PCYT1B: variants seen among roughly 807,000 people sequenced by gnomAD.
The protein encoded by PCYT1B is phosphate cytidylyltransferase 1B, choline, also known as choline-phosphate cytidylyltransferase B.
In PCYT1B, 10 loss-of-function variants were observed where a neutral mutation model predicts 26.4. That is an observed-to-expected ratio of 0.38 (90% CI 0.23 to 0.64). The LOEUF is 0.64. PCYT1B is among the 30% of genes least tolerant of loss of function. PCYT1B has a pLI of 0.56. For synonymous variants in PCYT1B, 131 were observed against 108.4 expected (o/e 1.21, Z -1.29); for missense variants, 161 against 292.7 (o/e 0.55, Z 3.28).
intron 2 of PCYT1B, among the ~76,000 whole-genome samples, chrX:24,613,217 A>G (rs191512013): frequency 8.9e-6 from 1 of 112,299 alleles, no homozygotes; most frequent in Non-Finnish European, 1.9e-5. Flanking sequence ...CAAAACAGAA[A>G]CTATTATTAA....
intron 1 of PCYT1B, among the ~76,000 whole-genome samples, chrX:24,627,346 G>A (rs908702917): frequency 1.8e-5 from 2 of 111,487 alleles, no homozygotes; most frequent in African/African-American, 3.3e-5. Context: ...GTTTTGTTTC[G>A]TTTTTGAGAG....
chrX:24,666,096 G>C (rs1038381208), intron 1 of PCYT1B, among the ~76,000 whole-genome samples: 4 of 111,301 alleles, frequency 3.6e-5, no homozygotes, highest in African/African-American at 1.3e-4. Flanking sequence ...CTAGGGTCAA[G>C]TTGGAGTTGG....
At position 24,637,494 on chromosome X, in the gene PCYT1B, ATAT is replaced by A. The variant is rs1926322975; in HGVS notation, c.117+9492_117+9494del. On this transcript the variant is annotated intron_variant, in intron 1 of 7. Transcript: ENST00000379144. The stretch of plus-strand genomic sequence containing the variant: ...CCATCTCTACTAAAAAAAAAAAAAT[ATAT>A]ATATATATATATATAAATTAGCTGA... 6.1e-5 allele frequency among the ~76,000 whole-genome samples: 4 copies of A among 65,531 alleles called. 1 individual carries two copies. Among genetic ancestry groups the A allele is most frequent in the Middle Eastern group, 6.1e-3 (1 of 164 alleles). 56.9% of individuals were successfully genotyped at this position (65,531 alleles called of 115,157 possible). A position where few individuals can be genotyped will look rare whatever the true frequency, so the allele number is the denominator to read the frequency against.
intron 7 of PCYT1B, among the ~76,000 whole-genome samples, chrX:24,568,491 G>T: frequency 9.0e-6 from 1 of 111,584 alleles, no homozygotes; most frequent in Non-Finnish European, 1.9e-5. Flanking sequence ...GTTCAAGGTT[G>T]CAGTGACCCA....
chrX:24,562,464 G>A lies in PCYT1B; in HGVS notation c.939C>T (p.Ala313=), dbSNP rs1325971126. 1.7e-6 allele frequency: 2 copies of A among 1,205,170 alleles called. No individual in the cohort carries two copies. Among genetic ancestry groups the A allele is most frequent in the Non-Finnish European group, 2.2e-6 (2 of 892,669 alleles). Reference sequence around the variant, plus strand: ...TCACAGGGCTCTGCTTCGGGGATAAGGCCTGCAGCATCCGGCTGCTCCTCT... The same window carrying A: ...TCACAGGGCTCTGCTTCGGGGATAAAGCCTGCAGCATCCGGCTGCTCCTCT... ...FQERSSRMLQ[A]LSPKQSPVSS... Residue 313 remains alanine, a synonymous_variant, in exon 8 of 8, where the codon GCC becomes GCT. Transcript: ENST00000379144.
At chrX:24,620,725 T>C (rs1032941250) in intron 1 of PCYT1B, among the ~76,000 whole-genome samples, 2 of 112,173 alleles carry the variant, frequency 1.8e-5, no homozygotes, top group Non-Finnish European at 3.8e-5. Flanking sequence ...GCTCAAAGGA[T>C]GGAGGATTTC....
upstream of PCYT1B, among the ~76,000 whole-genome samples, chrX:24,651,475 ATATATATATATATATATATATATAT>A (rs1926777674): frequency 6.5e-5 from 2 of 30,650 alleles, no homozygotes; most frequent in East Asian, 2.3e-3. Context: ...AAAAAAAAAT[ATATATATATATATATATATATATAT>A]ATATATATAT....
chrX:24,614,968 C>T (rs182905929), intron 2 of PCYT1B, among the ~76,000 whole-genome samples: 2,003 of 111,335 alleles, frequency 0.018, 43 homozygotes, highest in African/African-American at 0.063. Flanking sequence ...CCTGGGAACA[C>T]GCCACCACGC....
At chrX:24,574,880 G>A (rs1283336907) in intron 7 of PCYT1B, among the ~76,000 whole-genome samples, 2 of 112,180 alleles carry the variant, frequency 1.8e-5, no homozygotes, top group African/African-American at 6.5e-5. Flanking sequence ...TCACCAGATG[G>A]CTTCCAAGCT....
At chrX:24,653,117 C>T (rs1413595172) in intron 1 of PCYT1B, among the ~76,000 whole-genome samples, 3 of 111,934 alleles carry the variant, frequency 2.7e-5, no homozygotes, top group Non-Finnish European at 5.6e-5. Flanking sequence ...TTTCAAAGAT[C>T]TGCAAAGAAG....
chrX:24,605,260 A>T (rs750371784), intron 3 of PCYT1B, among the ~76,000 whole-genome samples: 1 of 111,438 alleles, frequency 9.0e-6, no homozygotes, highest in Non-Finnish European at 1.9e-5. Flanking sequence ...CTAACATGTC[A>T]CCATGTCTTC....
At chrX:24,605,731 G>A (rs1346186706) in intron 3 of PCYT1B, among the ~76,000 whole-genome samples, 1 of 110,997 alleles carries the variant, frequency 9.0e-6, no homozygotes, top group Non-Finnish European at 1.9e-5. Context: ...TCGAGACCTG[G>A]CCAACATGGT....
chrX:24,584,279 T>C (rs1308538257), intron 5 of PCYT1B, among the ~76,000 whole-genome samples: 1 of 112,022 alleles, frequency 8.9e-6, no homozygotes, highest in Non-Finnish European at 1.9e-5. Flanking sequence ...CAGTGAGCTA[T>C]GATCATACCA....
intron 3 of PCYT1B, among the ~76,000 whole-genome samples, chrX:24,596,341 C>G (rs781004292): frequency 9.0e-6 from 1 of 111,458 alleles, no homozygotes; most frequent in East Asian, 2.8e-4. Context: ...CCTGTAATCC[C>G]AGCACTTTGG....
chrX:24,637,491 A>AAATATATATATATATATAT, intron 1 of PCYT1B, among the ~76,000 whole-genome samples: 1 of 52,894 alleles, frequency 1.9e-5, no homozygotes, highest in Non-Finnish European at 2.9e-5. Flanking sequence ...AAAAAAAAAA[A>AAATATATATATATATATAT]ATATATATAT....
intron 1 of PCYT1B, among the ~76,000 whole-genome samples, chrX:24,630,170 A>G (rs969062987): frequency 8.9e-6 from 1 of 112,493 alleles, no homozygotes; most frequent in African/African-American, 3.2e-5. Context: ...GTTATATCAT[A>G]TTCATATTCC....
intron 1 of PCYT1B, among the ~76,000 whole-genome samples, chrX:24,623,391 A>G (rs1925765624): frequency 1.0e-5 from 1 of 96,838 alleles, no homozygotes; most frequent in African/African-American, 3.9e-5. Context: ...ATATATATAT[A>G]TATATATAAC....
rs1923448832 is a variant in PCYT1B, at chrX:24,562,281, T to A, written c.*12A>T. On this transcript the variant is annotated 3_prime_UTR_variant, in exon 8 of 8. Coordinates refer to ENST00000379144, the MANE Select transcript of PCYT1B (RefSeq NM_004845.5). ...CATCCTGCATGGTGCGGCTCTTGCC[T>A]CCCAGCAGCCTCTACTTTTCATCCT... is the stretch of plus-strand genomic sequence containing the variant. The A allele has an allele frequency of 8.7e-7, 1 of 1,153,638 alleles. No homozygotes were observed. Among genetic ancestry groups the A allele is most frequent in the South Asian group, 2.1e-5 (1 of 47,807 alleles).
At chrX:24,577,774 C>T (rs112154510) in intron 6 of PCYT1B, among the ~76,000 whole-genome samples, 10 of 111,337 alleles carry the variant, frequency 9.0e-5, no homozygotes, top group African/African-American at 2.3e-4. Flanking sequence ...GAAAATACAG[C>T]GTCTATTTTG....
Sources: gnomAD v4.1 joint callset for allele counts (sites outside exome capture counted in the v4.1 genomes callset) on GRCh38, gnomAD v4.1.1 for gene constraint, MANE v1.5 for transcripts, NCBI Gene and HGNC (gene_info 2026-07-23, HGNC 2026-07-21) for gene names.